The following GOLGA3 variants were observed in gnomAD, a reference collection of about 807,000 sequenced individuals.
The protein encoded by GOLGA3 is golgin subfamily A member 3.
GOLGA3 carries 75 observed loss-of-function variants against 169.4 expected under a neutral mutation model. That is an observed-to-expected ratio of 0.44 (90% CI 0.37 to 0.54). GOLGA3 has a LOEUF of 0.54. Among genes scored for constraint, GOLGA3 ranks in the 20% least tolerant of loss-of-function variants. GOLGA3 has a pLI of 0.00. For synonymous variants in GOLGA3, 824 were observed against 822.4 expected (o/e 1.00, Z -0.03); for missense variants, 1,899 against 1,930.0 (o/e 0.98, Z 0.30).
chr12:132,773,128 A>C lies in GOLGA3; in HGVS notation c.4474T>G (p.Ser1492Ala). 6.3e-7 allele frequency: 1 copy of C among 1,585,040 alleles called. No individual in the cohort carries two copies. Among genetic ancestry groups the C allele is most frequent in the Non-Finnish European group, 8.6e-7 (1 of 1,164,988 alleles). The change falls in exon 24 of 24, where the codon TCC (serine) becomes GCC (alanine). Residue 1492 changes from serine to alanine, a missense_variant. Coordinates refer to ENST00000450791, the MANE Select transcript of GOLGA3 (RefSeq NM_001389683.1). ...AGTCACTCTCCCGGCCCTTCTTTGGAAGCCCTGCTCTGACTGTGTCTCTGT... is the reference window on the plus strand; with the variant it reads ...AGTCACTCTCCCGGCCCTTCTTTGGCAGCCCTGCTCTGACTGTGTCTCTGT... ...DPQRHSQSRASKEGPGE is the reference protein window; with the variant it reads ...DPQRHSQSRAAKEGPGE
At chr12:132,828,066 T>G (rs897975319) in intron 1 of GOLGA3, among the ~76,000 whole-genome samples, 29 of 152,122 alleles carry the variant, frequency 1.9e-4, no homozygotes, top group African/African-American at 6.5e-4. Flanking sequence ...TCCTCCGCCC[T>G]CAGGGTCTTC....
intron 20 of GOLGA3, 77 bp downstream of exon 20, chr12:132,776,881 C>T (rs1654586972): frequency 3.2e-6 from 5 of 1,544,664 alleles, no homozygotes; most frequent in East Asian, 4.5e-5. Context: ...ACTGTTGCTC[C>T]CCAAGCAGGA....
chr12:132,799,376 C>T (rs974199670), intron 8 of GOLGA3, among the ~76,000 whole-genome samples: 2 of 152,226 alleles, frequency 1.3e-5, no homozygotes, highest in Admixed American at 6.5e-5. Flanking sequence ...AGTGAGGGCC[C>T]GGCAGTGGCT....
At chr12:132,826,090 G>C in intron 1 of GOLGA3, 1 of 1,471,600 alleles carries the variant, frequency 6.8e-7, no homozygotes, top group Non-Finnish European at 9.5e-7. Flanking sequence ...CAGTGGGCGA[G>C]TGCCGGCCTT....
chr12:132,797,129 G>T (rs1948886054), intron 9 of GOLGA3, among the ~76,000 whole-genome samples: 1 of 152,212 alleles, frequency 6.6e-6, no homozygotes, highest in Non-Finnish European at 1.5e-5. Context: ...CTTGAAACTT[G>T]AAATTCTTTT....
chr12:132,788,953 A>ACAGGCCCCGCCCCCGACC, intron 13 of GOLGA3, 74 bp downstream of exon 13: 3 of 1,014,770 alleles, frequency 3.0e-6, no homozygotes, highest in South Asian at 1.7e-5. Context: ...CGCCCCAGAC[A>ACAGGCCCCGCCCCCGACC]CAGGCCCCAC....
chr12:132,776,196 T>TG (rs57842242), intron 21 of GOLGA3, among the ~76,000 whole-genome samples: 1,776 of 10,764 alleles, frequency 0.16, 1 homozygote, highest in Admixed American at 0.31. Context: ...AGCTCCTTCC[T>TG]CCCTGCTGCT....
rs118137428 is a variant in GOLGA3 at position 132,791,202 on chromosome 12, C to G, written c.2547+14G>C. 1.3e-6 allele frequency: 2 copies of G among 1,504,626 alleles called. No individual in the cohort carries two copies. Among genetic ancestry groups the G allele is most frequent in the Admixed American group, 3.4e-5 (2 of 59,404 alleles). The allele number at this position is 1,504,626 out of a possible 1,614,324, so 93.2% of individuals were successfully genotyped here. Reference sequence around the variant, plus strand: ...TGCTTGTTTCAAGTGAAGAAATCAACAACAGATTTTTACCTTTTGTTGGAG... The same window carrying G: ...TGCTTGTTTCAAGTGAAGAAATCAAGAACAGATTTTTACCTTTTGTTGGAG... On this transcript the variant is annotated intron_variant, in intron 12 of 23. Coordinates refer to ENST00000450791, the MANE Select transcript of GOLGA3 (RefSeq NM_001389683.1).
In GOLGA3 at chr12:132,796,477, A is replaced by G. The variant is rs902519971; in HGVS notation, c.2100+62T>C. 15 of 1,530,478 alleles carry G rather than the reference A, an allele frequency of 9.8e-6. No individual in the cohort carries two copies. In the African/African-American group the frequency reaches 1.6e-4, roughly 17 times the overall value. The allele number at this position is 1,530,478 out of a possible 1,614,324, so 94.8% of individuals were successfully genotyped here. On this transcript the variant is annotated intron_variant, in intron 10 of 23. Coordinates refer to ENST00000450791, the MANE Select transcript of GOLGA3 (RefSeq NM_001389683.1). ...AGGACTGCTCGGTCTCCTTGTGTGC[A>G]GTCCTGGCTGCTCGGGATCACCTGG... is the stretch of plus-strand genomic sequence containing the variant.
chr12:132,822,311 C>A lies in GOLGA3; in HGVS notation c.-183G>T, dbSNP rs554426079. On this transcript the variant is annotated splice_region_variant and 5_prime_UTR_variant, in exon 2 of 24. Coordinates refer to ENST00000450791, the MANE Select transcript of GOLGA3 (RefSeq NM_001389683.1). ...TGTCAAACCAGCTAATATCATGATACCTGACAGGAGAGAGAGACAAAATGT... is the reference window on the plus strand; with the variant it reads ...TGTCAAACCAGCTAATATCATGATAACTGACAGGAGAGAGAGACAAAATGT... The A allele has an allele frequency of 3.7e-6, 5 of 1,339,160 alleles. No individual in the cohort carries two copies. Among genetic ancestry groups the A allele is most frequent in the East Asian group, 3.1e-5 (1 of 32,096 alleles). The allele number at this position is 1,339,160 out of a possible 1,614,324, so 83.0% of individuals were successfully genotyped here.
At chr12:132,827,520 C>T (rs1950472954) in intron 1 of GOLGA3, 1 of 152,184 alleles carries the variant, frequency 6.6e-6, no homozygotes, top group East Asian at 1.9e-4. Context: ...TGTCCCGTGT[C>T]CTCAATAAAA....
chr12:132,801,653 TA>T (rs201014700), intron 8 of GOLGA3, 113 bp downstream of exon 8: 5 of 1,030,908 alleles, frequency 4.9e-6, no homozygotes, highest in Admixed American at 4.1e-5. Context: ...GACAGCAGGT[TA>T]AAAACAAAAA....
rs576280475 is a variant in GOLGA3, at chr12:132,780,369, C to T, written c.3582+429G>A. Among the ~76,000 whole-genome samples, 5 of 152,298 alleles carry T rather than the reference C, an allele frequency of 3.3e-5. No homozygotes were observed. In the South Asian group the frequency reaches 6.2e-4, roughly 19 times the overall value. ...GGTCAGGATGGGCCTCTGCTGGCGA[C>T]GTGACCAACGTGTCAGTGAACACCT... On this transcript the variant is annotated intron_variant, in intron 18 of 23. Transcript: ENST00000450791.
intron 7 of GOLGA3, among the ~76,000 whole-genome samples, chr12:132,802,706 A>C (rs932000296): frequency 3.3e-5 from 5 of 152,176 alleles, no homozygotes; most frequent in African/African-American, 1.2e-4. Context: ...CAAAAGAAAA[A>C]AATGAAGTAC....
intron 4 of GOLGA3, among the ~76,000 whole-genome samples, chr12:132,811,202 TC>T (rs1032846904): frequency 2.0e-5 from 3 of 149,580 alleles, no homozygotes; most frequent in African/African-American, 7.4e-5. Flanking sequence ...GTGGTAGTGG[TC>T]CCCCCGGCCC....
Position 132,771,363 on chromosome 12 carries a change from G to C in GOLGA3, c.*1742C>G, listed in dbSNP as rs2044889530. On this transcript the variant is annotated 3_prime_UTR_variant, in exon 24 of 24. Transcript: ENST00000450791. Reference sequence around the variant, plus strand: ...CTCATTTCAGACCAGTACATCTGCAGAGGAGGCCACGCGGACCCATTCTCT... The same window carrying C: ...CTCATTTCAGACCAGTACATCTGCACAGGAGGCCACGCGGACCCATTCTCT... The C allele has an allele frequency of 6.6e-6, 1 of 152,422 alleles. No homozygotes were observed. Among genetic ancestry groups the C allele is most frequent in the South Asian group, 2.1e-4 (1 of 4,834 alleles). 9.4% of individuals were successfully genotyped at this position (152,422 alleles called of 1,614,324 possible). A position where few individuals can be genotyped will look rare whatever the true frequency, so the allele number is the denominator to read the frequency against.
chr12:132,825,020 G>C (rs1338945357), intron 1 of GOLGA3, among the ~76,000 whole-genome samples: 2 of 152,100 alleles, frequency 1.3e-5, no homozygotes, highest in African/African-American at 4.8e-5. Context: ...TTACAAACTG[G>C]CACGGAGGAC....
chr12:132,791,118 C>A, intron 12 of GOLGA3, 98 bp downstream of exon 12: 5 of 329,152 alleles, frequency 1.5e-5, no homozygotes, highest in Non-Finnish European at 3.0e-5. Context: ...TTACCTTCTT[C>A]TCAACTTCAA....
intron 1 of GOLGA3, chr12:132,826,314 A>C (rs933869585): frequency 4.3e-6 from 3 of 704,648 alleles, no homozygotes; most frequent in Non-Finnish European, 6.9e-6. Flanking sequence ...CCACCTGAAC[A>C]GAAGGAAGGA....
Sources: allele counts gnomAD v4.1 joint callset (sites outside exome capture counted in the v4.1 genomes callset), GRCh38; gene constraint gnomAD v4.1.1; transcripts MANE v1.5; gene names NCBI Gene and HGNC (gene_info 2026-07-23, HGNC 2026-07-21).